The following FAM228A variants were observed in gnomAD, a reference collection of about 807,000 sequenced individuals.
FAM228A encodes the protein protein FAM228A.
FAM228A carries 13 observed loss-of-function variants against 18.6 expected under a neutral mutation model. The observed-to-expected ratio is 0.70, with a 90% CI of 0.45 to 1.11. The LOEUF (loss-of-function observed/expected upper bound fraction) is 1.11. Among genes scored for constraint, FAM228A ranks in the 50% least tolerant of loss-of-function variants. The pLI, the probability that FAM228A is intolerant of heterozygous loss-of-function variation, is 0.00. For missense variants in FAM228A, 240 were observed against 242.2 expected, an observed-to-expected ratio of 0.99 and a Z score of 0.06; for synonymous variants, 77 against 86.6, an observed-to-expected ratio of 0.89 and a Z score of 0.61.
At position 24,177,883 on chromosome 2, in the gene FAM228A, T is replaced by G. The variant is rs1302276471; in HGVS notation, c.162+13T>G. On this transcript the variant is annotated intron_variant, in intron 3 of 5. Transcript: ENST00000295150. ...TTCCATTGTGAAGGTAAGAGTTGGC[T>G]CCACGCTGCATTCTACATATGTTCT... is the stretch of plus-strand genomic sequence containing the variant. The G allele has an allele frequency of 6.4e-7, 1 of 1,572,662 alleles. No homozygotes were observed. Among genetic ancestry groups the G allele is most frequent in the Non-Finnish European group, 8.7e-7 (1 of 1,145,340 alleles).
chr2:24,183,588 T>A lies in FAM228A; in HGVS notation c.344T>A (p.Ile115Asn), dbSNP rs1377543553. Residue 115 changes from isoleucine to asparagine, a missense_variant, in exon 5 of 6, where the codon ATT becomes AAT. Physicochemically the swap from Ile to Asn is moderately radical, Grantham distance 149. Transcript: ENST00000295150. ...PYFTFTSHCVIPKEWHKASAR... is the reference protein window; with the variant it reads ...PYFTFTSHCVNPKEWHKASAR... Reference sequence around the variant, plus strand: ...TTCACTTTCACTTCACACTGTGTGATTCCAAAAGAGTGGCATAAAGCCTCT... The same window carrying A: ...TTCACTTTCACTTCACACTGTGTGAATCCAAAAGAGTGGCATAAAGCCTCT... 6.2e-7 allele frequency: 1 copy of A among 1,614,014 alleles called. No individual in the cohort carries two copies. The highest frequency in any genetic ancestry group is 8.5e-7 in the Non-Finnish European group (1 of 1,179,916).
At position 24,190,652 on chromosome 2, in the gene FAM228A, T is replaced by C. The variant is rs1668061368; in HGVS notation, c.*21T>C. The C allele has an allele frequency of 6.6e-7, 1 of 1,519,658 alleles. No individual in the cohort carries two copies. Among genetic ancestry groups the C allele is most frequent in the African/African-American group, 1.4e-5 (1 of 71,670 alleles). 94.1% of individuals were successfully genotyped at this position (1,519,658 alleles called of 1,614,324 possible). The stretch of plus-strand genomic sequence containing the variant: ...AATGAGCCACCGCCACAGCCCTCCC[T>C]GTCAGACAGGCACCCAAGGGCGGAG... On this transcript the variant is annotated 3_prime_UTR_variant, in exon 6 of 6. Coordinates refer to ENST00000295150, the MANE Select transcript of FAM228A (RefSeq NM_001040710.3).
chr2:24,190,801 CAAGTGGTA>C lies in FAM228A; in HGVS notation c.*173_*180del. On this transcript the variant is annotated 3_prime_UTR_variant, in exon 6 of 6. Coordinates refer to ENST00000295150, the MANE Select transcript of FAM228A (RefSeq NM_001040710.3). The stretch of plus-strand genomic sequence containing the variant: ...GAAGCCTTGCATGAAGAAACTCAGA[CAAGTGGTA>C]AATGTGGGACCTGGACCCCACTTTC... The C allele has an allele frequency of 7.6e-7, 1 of 1,316,840 alleles. No individual in the cohort carries two copies. Among genetic ancestry groups the C allele is most frequent in the Non-Finnish European group, 9.7e-7 (1 of 1,029,496 alleles). The allele number at this position is 1,316,840 out of a possible 1,614,324, so 81.6% of individuals were successfully genotyped here. A position where few individuals can be genotyped will look rare whatever the true frequency, so the allele number is the denominator to read the frequency against.
intron 1 of FAM228A, 117 bp from the exon 2 acceptor site, chr2:24,175,350 A>T (rs888682352): frequency 1.3e-6 from 1 of 743,264 alleles, no homozygotes; most frequent in Non-Finnish European, 2.3e-6. Flanking sequence ...TTGTTGGGTG[A>T]CTCGGCTCAG....
chr2:24,178,136 G>A (rs576835317), intron 3 of FAM228A, among the ~76,000 whole-genome samples: 7 of 152,260 alleles, frequency 4.6e-5, no homozygotes, highest in African/African-American at 1.7e-4. Context: ...CTTCGTCCTG[G>A]TACCGAATAG....
intron 3 of FAM228A, among the ~76,000 whole-genome samples, chr2:24,178,816 G>A (rs1667750492): frequency 6.6e-6 from 1 of 152,312 alleles, no homozygotes; most frequent in South Asian, 2.1e-4. Flanking sequence ...TCCTGAAAAA[G>A]AAACAAGAGT....
At chr2:24,179,898 T>G (rs1263847869) in intron 3 of FAM228A, among the ~76,000 whole-genome samples, 2 of 152,190 alleles carry the variant, frequency 1.3e-5, no homozygotes, top group African/African-American at 4.8e-5. Flanking sequence ...TGTGGCTTTC[T>G]CATCTCTCTA....
chr2:24,175,299 G>C, intron 1 of FAM228A, 125 bp downstream of exon 1: 1 of 608,976 alleles, frequency 1.6e-6, no homozygotes, highest in Non-Finnish European at 2.9e-6. Flanking sequence ...GGAGTGGGTA[G>C]CCGGGCCTGT....
At chr2:24,178,130 G>A (rs1309574777) in intron 3 of FAM228A, among the ~76,000 whole-genome samples, 1 of 152,068 alleles carries the variant, frequency 6.6e-6, no homozygotes, top group Admixed American at 6.6e-5. Context: ...CCTTCTCTTC[G>A]TCCTGGTACC....
rs574924270 is a variant in FAM228A, at chr2:24,186,838, G to A, written c.401+3193G>A. Reference sequence around the variant, plus strand: ...ATTTTTAGTAGAGAAGGGGTTTCACGTTGGTCAGGCTGGTCTCAAACTCCT... The same window carrying A: ...ATTTTTAGTAGAGAAGGGGTTTCACATTGGTCAGGCTGGTCTCAAACTCCT... On this transcript the variant is annotated intron_variant, in intron 5 of 5. Coordinates refer to ENST00000295150, the MANE Select transcript of FAM228A (RefSeq NM_001040710.3). Among the ~76,000 whole-genome samples the A allele has an allele frequency of 7.6e-4, 115 of 151,902 alleles. 1 individual carries two copies. The highest frequency in any genetic ancestry group is 3.2e-3 in the Middle Eastern group (1 of 316).
In FAM228A at chr2:24,191,043, A is replaced by C; in HGVS notation, c.*412A>C. The C allele has an allele frequency of 1.1e-5, 11 of 993,662 alleles. No homozygotes were observed. Among genetic ancestry groups the C allele is most frequent in the Non-Finnish European group, 1.3e-5 (11 of 835,524 alleles). The allele number at this position is 993,662 out of a possible 1,614,324, so 61.6% of individuals were successfully genotyped here. A position where few individuals can be genotyped will look rare whatever the true frequency, so the allele number is the denominator to read the frequency against. On this transcript the variant is annotated 3_prime_UTR_variant, in exon 6 of 6. Coordinates refer to ENST00000295150, the MANE Select transcript of FAM228A (RefSeq NM_001040710.3). Reference sequence around the variant, plus strand: ...AGTTTTTGAAATGAAATTTATACCAAAAAATTAGGGCAAGATGAGATTTTT... The same window carrying C: ...AGTTTTTGAAATGAAATTTATACCACAAAATTAGGGCAAGATGAGATTTTT...
chr2:24,190,909 C>T lies in FAM228A; in HGVS notation c.*278C>T. ...TTTTCCCCCTGAGATTTCTTCAGCG[C>T]CTTCGCCCGGGCCTTTGCCCTTCTG... On this transcript the variant is annotated 3_prime_UTR_variant, in exon 6 of 6. Coordinates refer to ENST00000295150, the MANE Select transcript of FAM228A (RefSeq NM_001040710.3). The T allele has an allele frequency of 2.6e-6, 3 of 1,146,070 alleles. No individual in the cohort carries two copies. The South Asian group carries it at 1.2e-4, about 46-fold the overall frequency. The allele number at this position is 1,146,070 out of a possible 1,614,324, so 71.0% of individuals were successfully genotyped here.
chr2:24,176,291 T>A, intron 2 of FAM228A: 1 of 716,150 alleles, frequency 1.4e-6, no homozygotes, highest in Non-Finnish European at 1.7e-6. Flanking sequence ...ATTTTTATTG[T>A]AGTGTCAGGA....
intron 2 of FAM228A, among the ~76,000 whole-genome samples, chr2:24,177,525 A>G (rs1211529026): frequency 1.5e-5 from 2 of 131,434 alleles, no homozygotes; most frequent in Non-Finnish European, 3.3e-5. Context: ...ACGTAATTTA[A>G]TAATATGCTA....
chr2:24,178,939 T>G (rs1050829029), intron 3 of FAM228A, among the ~76,000 whole-genome samples: 1 of 152,270 alleles, frequency 6.6e-6, no homozygotes, highest in South Asian at 2.1e-4. Context: ...GTTCCCAGCT[T>G]CTCTTACTGC....
At chr2:24,177,608 G>C (rs975348585) in intron 2 of FAM228A, among the ~76,000 whole-genome samples, 194 bp from the exon 3 acceptor site, 1 of 152,032 alleles carries the variant, frequency 6.6e-6, no homozygotes, top group East Asian at 1.9e-4. Context: ...GATGAAATAA[G>C]ATTGACTTGG....
intron 5 of FAM228A, among the ~76,000 whole-genome samples, chr2:24,184,979 C>CG (rs1667909622): frequency 6.6e-6 from 1 of 152,008 alleles, no homozygotes; most frequent in South Asian, 2.1e-4. Context: ...TGCGCCACCA[C>CG]ACCCAGCTGA....
At chr2:24,184,196 A>G (rs1467629257) in intron 5 of FAM228A, among the ~76,000 whole-genome samples, 1 of 152,162 alleles carries the variant, frequency 6.6e-6, no homozygotes, top group Non-Finnish European at 1.5e-5. Context: ...CCTGGCCAAC[A>G]TGGTGAAACT....
chr2:24,183,152 A>G (rs1470899268), intron 3 of FAM228A, 133 bp from the exon 4 acceptor site: 50 of 666,542 alleles, frequency 7.5e-5, no homozygotes, highest in Non-Finnish European at 5.3e-6. Flanking sequence ...TCGTTTTTCA[A>G]CCCTCGCCCC....
Sources: gnomAD v4.1 joint callset for allele counts (sites outside exome capture counted in the v4.1 genomes callset) on GRCh38, gnomAD v4.1.1 for gene constraint, MANE v1.5 for transcripts, NCBI Gene and HGNC (gene_info 2026-07-23, HGNC 2026-07-21) for gene names.